FOXP2: variants seen among roughly 807,000 people sequenced by gnomAD.
FOXP2 encodes forkhead box protein P2.
FOXP2 carries 12 observed loss-of-function variants against 115.8 expected under a neutral mutation model. The ratio of observed to expected loss-of-function variants is 0.10; its 90% CI spans 0.07 to 0.17. The LOEUF is 0.17. Among genes scored for constraint, FOXP2 ranks in the 10% least tolerant of loss-of-function variants. The pLI is 1.00. For missense variants in FOXP2, 629 were observed against 843.5 expected, an observed-to-expected ratio of 0.75 and a Z score of 3.15; for synonymous variants, 328 against 297.7, an observed-to-expected ratio of 1.10 and a Z score of -1.05.
chr7:114,661,931 A>G, intron 13 of FOXP2, 134 bp from the exon 14 acceptor site: 1 of 1,123,074 alleles, frequency 8.9e-7, no homozygotes, highest in Non-Finnish European at 1.3e-6. Flanking sequence ...ATATCATGCC[A>G]TATTTTGATT....
Position 114,662,054 on chromosome 7 carries a change from G to A in FOXP2, c.1648-11G>A. On this transcript the variant is annotated splice_polypyrimidine_tract_variant and intron_variant, in intron 13 of 16. Coordinates refer to ENST00000350908, the MANE Select transcript of FOXP2 (RefSeq NM_014491.4). The stretch of plus-strand genomic sequence containing the variant: ...TTTTTGCCATTTTTTCTTCTCTTCT[G>A]TCTGCTTTAGAATGCAGTACGTCAT... 2 of 1,612,230 alleles carry A rather than the reference G, an allele frequency of 1.2e-6. No individual in the cohort carries two copies. The highest frequency in any genetic ancestry group is 1.7e-6 in the Non-Finnish European group (2 of 1,178,776).
intron 2 of FOXP2, among the ~76,000 whole-genome samples, chr7:114,384,804 A>C (rs1035985755): frequency 6.6e-6 from 1 of 151,626 alleles, no homozygotes; most frequent in African/African-American, 2.4e-5. Flanking sequence ...TTTCCTCTAA[A>C]AGTTACTTTT....
Position 114,651,594 on chromosome 7 carries a change from G to A in FOXP2, c.1095-609G>A, listed in dbSNP as rs368311821. On this transcript the variant is annotated intron_variant, in intron 8 of 16. Coordinates refer to ENST00000350908, the MANE Select transcript of FOXP2 (RefSeq NM_014491.4). ...TTTCACCATTTTAAAAATAAGATTA[G>A]GACAAATGTCTCCTAGTTAGAACAC... Among the ~76,000 whole-genome samples the A allele has an allele frequency of 1.4e-4, 21 of 152,042 alleles. No individual in the cohort carries two copies. In the East Asian group the frequency reaches 3.9e-3, roughly 28 times the overall value.
chr7:114,403,874 G>A (rs1306326926), intron 2 of FOXP2, among the ~76,000 whole-genome samples: 2 of 152,066 alleles, frequency 1.3e-5, no homozygotes, highest in Non-Finnish European at 2.9e-5. Context: ...AAGTTTGCAG[G>A]GCAATTCCCC....
intron 1 of FOXP2, among the ~76,000 whole-genome samples, chr7:114,151,304 G>A (rs886818744): frequency 1.3e-5 from 2 of 151,802 alleles, no homozygotes; most frequent in African/African-American, 4.8e-5. Context: ...AAATTTCAAG[G>A]ATATACAGCT....
chr7:114,142,968 C>T (rs910497844), intron 1 of FOXP2, among the ~76,000 whole-genome samples: 5 of 151,608 alleles, frequency 3.3e-5, no homozygotes, highest in East Asian at 3.9e-4. Context: ...GGCAACATGA[C>T]GAAACCTGTC....
intron 2 of FOXP2, among the ~76,000 whole-genome samples, chr7:114,472,975 A>G (rs1472162680): frequency 6.6e-6 from 1 of 152,130 alleles, no homozygotes; most frequent in Non-Finnish European, 1.5e-5. Context: ...AACTCCCACT[A>G]CTGTCTTCAG....
chr7:114,663,509 C>A lies in FOXP2; in HGVS notation c.1829C>A (p.Ala610Asp). 1 of 1,610,212 alleles carries A rather than the reference C, an allele frequency of 6.2e-7. No homozygotes were observed. The highest frequency in any genetic ancestry group is 8.5e-7 in the Non-Finnish European group (1 of 1,178,410). Reference protein sequence around the residue: ...TSLGYGAALNASLQAALAESS... With the variant: ...TSLGYGAALNDSLQAALAESS... Reference sequence around the variant, plus strand: ...TTAGGCTATGGAGCAGCTCTTAATGCCAGTTTGCAGGTAATGTACTTTCCC... The same window carrying A: ...TTAGGCTATGGAGCAGCTCTTAATGACAGTTTGCAGGTAATGTACTTTCCC... The change falls in exon 15 of 17, where the codon GCC (alanine) becomes GAC (aspartate). Residue 610 changes from alanine (A) to aspartate (D), a missense_variant. Ala to Asp is a moderately radical substitution (Grantham distance 126, BLOSUM62 -2). This residue lies in a region of FOXP2 where 40 missense variants were observed against 75.3 expected (regional missense o/e 0.53). Transcript: ENST00000350908.
intron 3 of FOXP2, among the ~76,000 whole-genome samples, chr7:114,587,229 C>T (rs1409955555): frequency 6.6e-6 from 1 of 152,010 alleles, no homozygotes; most frequent in African/African-American, 2.4e-5. Context: ...CCTTCTCTTG[C>T]TCCCCACCCC....
Position 114,658,142 on chromosome 7 carries a change from C to A in FOXP2, c.1343C>A (p.Thr448Asn). 6.2e-7 allele frequency: 1 copy of A among 1,613,936 alleles called. No individual in the cohort carries two copies. Among genetic ancestry groups the A allele is most frequent in the Non-Finnish European group, 8.5e-7 (1 of 1,179,902 alleles). The change falls in exon 11 of 17, where the codon ACC (threonine) becomes AAC (asparagine). Residue 448 changes from threonine to asparagine, a missense_variant. Thr to Asn is a moderately conservative substitution (Grantham distance 65, BLOSUM62 0). Around this residue, in one of 9 missense-constraint regions of FOXP2, gnomAD observed 101 missense variants for 116.0 expected, o/e 0.87. Coordinates refer to ENST00000350908, the MANE Select transcript of FOXP2 (RefSeq NM_014491.4). ...CCACAGAGCTTACCTCAAACCCCTACCACACCAACGGCCCCAGTCACCCCG... is the reference window on the plus strand; with the variant it reads ...CCACAGAGCTTACCTCAAACCCCTAACACACCAACGGCCCCAGTCACCCCG... Reference protein sequence around the residue: ...TSPQSLPQTPTTPTAPVTPIT... With the variant: ...TSPQSLPQTPNTPTAPVTPIT...
chr7:114,381,727 G>A (rs1321556738), intron 2 of FOXP2, among the ~76,000 whole-genome samples: 12 of 152,126 alleles, frequency 7.9e-5, no homozygotes, highest in South Asian at 4.1e-4. Flanking sequence ...TCCACTGCCC[G>A]TTGGGTTTCT....
chr7:114,444,222 T>C (rs946443123), intron 2 of FOXP2, among the ~76,000 whole-genome samples: 8 of 152,176 alleles, frequency 5.3e-5, no homozygotes, highest in Non-Finnish European at 1.0e-4. Flanking sequence ...TGAGAAGTTA[T>C]CTGTGCCTTA....
chr7:114,249,018 G>A (rs1228148753), intron 1 of FOXP2, among the ~76,000 whole-genome samples: 1 of 152,004 alleles, frequency 6.6e-6, no homozygotes. Context: ...TTTTGGCATA[G>A]CAGATATAGT....
intron 1 of FOXP2, among the ~76,000 whole-genome samples, chr7:114,211,153 C>G (rs568598471): frequency 3.0e-4 from 45 of 152,300 alleles, no homozygotes; most frequent in African/African-American, 1.1e-3. Flanking sequence ...GAATTGGGGT[C>G]CACAGAACAA....
intron 3 of FOXP2, among the ~76,000 whole-genome samples, chr7:114,582,352 C>T (rs1801914233): frequency 6.6e-6 from 1 of 152,190 alleles, no homozygotes; most frequent in African/African-American, 2.4e-5. Flanking sequence ...AGTGTCACAA[C>T]ACCTGAATTC....
intron 2 of FOXP2, among the ~76,000 whole-genome samples, chr7:114,521,790 T>G (rs1356515633): frequency 6.6e-6 from 1 of 152,138 alleles, no homozygotes; most frequent in Non-Finnish European, 1.5e-5. Context: ...AATTTCAGTG[T>G]TATTTTAGAT....
intron 1 of FOXP2, among the ~76,000 whole-genome samples, chr7:114,264,429 T>C (rs1344925791): frequency 6.6e-6 from 1 of 152,192 alleles, no homozygotes; most frequent in Non-Finnish European, 1.5e-5. Context: ...TTTACACAAA[T>C]ATGCTCATGT....
At position 114,392,530 on chromosome 7, in the gene FOXP2, G is replaced by A. The variant is rs556463038; in HGVS notation, c.-10-33972G>A. On this transcript the variant is annotated intron_variant, in intron 2 of 17. Coordinates refer to the FOXP2 transcript ENST00000634411. ...CCCCTATGAAGCAGAATCCTTGAGTGCTTCTCTGATCAACTGGGATAGTAA... is the reference window on the plus strand; with the variant it reads ...CCCCTATGAAGCAGAATCCTTGAGTACTTCTCTGATCAACTGGGATAGTAA... Among the ~76,000 whole-genome samples the A allele has an allele frequency of 6.6e-5, 10 of 152,278 alleles. No individual in the cohort carries two copies. In the East Asian group the frequency reaches 1.9e-3, roughly 29 times the overall value.
chr7:114,336,729 T>A (rs994400605), intron 2 of FOXP2, among the ~76,000 whole-genome samples: 15 of 151,632 alleles, frequency 9.9e-5, no homozygotes, highest in Admixed American at 5.3e-4. Flanking sequence ...AAAGTATTCA[T>A]AAATCTGTAC....
Sources: gnomAD v4.1 joint callset for allele counts (sites outside exome capture counted in the v4.1 genomes callset) on GRCh38, gnomAD v4.1.1 for gene constraint, gnomAD v4.1.1 regional missense constraint, MANE v1.5 for transcripts, NCBI Gene and HGNC (gene_info 2026-07-23, HGNC 2026-07-21) for gene names.